The following C3orf22 variants were observed in gnomAD, a reference collection of about 807,000 sequenced individuals.
The protein encoded by C3orf22 is uncharacterized protein C3orf22.
C3orf22 carries 7 observed loss-of-function variants against 10.8 expected under a neutral mutation model. The observed-to-expected ratio is 0.65, with a 90% CI of 0.37 to 1.22. The LOEUF is 1.22. C3orf22 is among the 50% of genes most tolerant of loss of function. The pLI is 0.02. For missense variants in C3orf22, 173 were observed against 177.0 expected, an observed-to-expected ratio of 0.98 and a Z score of 0.13; for synonymous variants, 79 against 78.9, an observed-to-expected ratio of 1.00 and a Z score of 0.00.
intron 4 of C3orf22, among the ~76,000 whole-genome samples, chr3:126,537,175 C>A (rs1164359587): frequency 6.6e-6 from 1 of 152,138 alleles, no homozygotes; most frequent in East Asian, 1.9e-4. Flanking sequence ...TGGGGGAGAG[C>A]AACTCCTCTC....
intron 2 of C3orf22, 37 bp downstream of exon 2, chr3:126,553,265 G>T: frequency 6.9e-7 from 1 of 1,450,140 alleles, no homozygotes; most frequent in Non-Finnish European, 9.7e-7. Flanking sequence ...ACCTGGGGGA[G>T]GCAGGGCTTG....
At chr3:126,555,035 T>C (rs1343183759) in intron 1 of C3orf22, among the ~76,000 whole-genome samples, 3 of 152,206 alleles carry the variant, frequency 2.0e-5, no homozygotes, top group African/African-American at 4.8e-5. Flanking sequence ...TTGTATTTAA[T>C]TCTAATAACT....
At chr3:126,529,674 T>C (rs908616416) in intron 4 of C3orf22, among the ~76,000 whole-genome samples, 8 of 152,122 alleles carry the variant, frequency 5.3e-5, no homozygotes, top group African/African-American at 1.7e-4. Context: ...CTCTTCCTTC[T>C]CTTTCTCCCA....
chr3:126,535,555 G>A (rs1315113615), intron 4 of C3orf22, among the ~76,000 whole-genome samples: 1 of 151,770 alleles, frequency 6.6e-6, no homozygotes, highest in African/African-American at 2.4e-5. Flanking sequence ...GTCCTCAGCC[G>A]GGAGACAGAC....
chr3:126,539,597 CCCACACACT>C (rs1936883318), intron 4 of C3orf22, among the ~76,000 whole-genome samples: 1 of 135,688 alleles, frequency 7.4e-6, no homozygotes, highest in Non-Finnish European at 1.6e-5. Context: ...CCACACACAC[CCCACACACT>C]CCACACCACA....
chr3:126,542,934 C>T (rs1181097186), intron 4 of C3orf22: 1 of 177,768 alleles, frequency 5.6e-6, no homozygotes, highest in Non-Finnish European at 1.2e-5. Flanking sequence ...GTTCATGGTG[C>T]ATCAGAACAT....
At chr3:126,534,266 T>C (rs909006359) in intron 4 of C3orf22, among the ~76,000 whole-genome samples, 7 of 152,214 alleles carry the variant, frequency 4.6e-5, no homozygotes, top group Non-Finnish European at 1.5e-5. Flanking sequence ...TGAGAACATA[T>C]TAATATTAAT....
rs1318980314 is a variant in C3orf22 at position 126,549,909 on chromosome 3, G to C, written c.385C>G (p.Gln129Glu). ...GACAGCCCTGCCGCCTTGCTGGTCT[G>C]GGGGCAGGCAGCCTCAGTGTGCCGG... is the stretch of plus-strand genomic sequence containing the variant. Reference protein sequence around the residue: ...STRHTEAACPQTSKAAGLSRG... With the variant: ...STRHTEAACPETSKAAGLSRG... The change falls in exon 4 of 4, where the codon CAG becomes GAG. Residue 129 changes from glutamine to glutamate, a missense_variant. Coordinates refer to ENST00000318225, the MANE Select transcript of C3orf22 (RefSeq NM_152533.3). 2 of 1,614,036 alleles carry C rather than the reference G, an allele frequency of 1.2e-6. No homozygotes were observed. Among genetic ancestry groups the C allele is most frequent in the East Asian group, 2.2e-5 (1 of 44,864 alleles).
downstream of C3orf22, among the ~76,000 whole-genome samples, chr3:126,546,841 T>C (rs1265795812): frequency 1.1e-4 from 17 of 152,186 alleles, no homozygotes; most frequent in Admixed American, 1.1e-3. Flanking sequence ...ATGGGCTAAC[T>C]GGGATTGCCT....
intron 4 of C3orf22, among the ~76,000 whole-genome samples, chr3:126,533,665 C>T (rs1936705495): frequency 2.6e-5 from 4 of 152,112 alleles, no homozygotes; most frequent in Admixed American, 2.6e-4. Context: ...TCATAAGGGA[C>T]ATGGCTCTGT....
intron 4 of C3orf22, among the ~76,000 whole-genome samples, chr3:126,537,047 C>T (rs1936811666): frequency 6.6e-6 from 1 of 152,138 alleles, no homozygotes; most frequent in Non-Finnish European, 1.5e-5. Flanking sequence ...AGTGGAGCCA[C>T]CAGTCCAGCA....
chr3:126,550,771 G>A (rs945033425), intron 3 of C3orf22, among the ~76,000 whole-genome samples: 5 of 152,170 alleles, frequency 3.3e-5, no homozygotes, highest in African/African-American at 7.2e-5. Flanking sequence ...CCTGGGAGCC[G>A]CTTGGTCCCT....
chr3:126,545,621 G>A (rs1937054967), downstream of C3orf22, among the ~76,000 whole-genome samples: 1 of 152,192 alleles, frequency 6.6e-6, no homozygotes, highest in Admixed American at 6.5e-5. Context: ...CTTCAGCAAC[G>A]AGTAAGACAG....
At chr3:126,534,072 T>C (rs1936713232) in intron 4 of C3orf22, among the ~76,000 whole-genome samples, 1 of 152,190 alleles carries the variant, frequency 6.6e-6, no homozygotes. Context: ...ACATCCCCTC[T>C]TTCTTTCCTG....
chr3:126,546,863 T>C (rs1123373), downstream of C3orf22, among the ~76,000 whole-genome samples: 112,516 of 152,050 alleles, frequency 0.74, 43,512 homozygotes, highest in East Asian at 0.87. Flanking sequence ...TCACAAAAAC[T>C]ACTCACACTC....
Position 126,530,061 on chromosome 3 carries a change from C to T in C3orf22, c.287-689G>A, listed in dbSNP as rs530642206. Among the ~76,000 whole-genome samples the T allele has an allele frequency of 1.1e-3, 170 of 152,296 alleles. No homozygotes were observed. In the Middle Eastern group the frequency reaches 0.041, roughly 37 times the overall value. On this transcript the variant is annotated intron_variant and NMD_transcript_variant, in intron 4 of 5. Coordinates refer to the C3orf22 transcript ENST00000505070. ...CCAGTGTGGCCCTGTTTGGGGCCAG[C>T]CCCCAGCTGGCCAAGTCAGGATTGG...
intron 3 of C3orf22, among the ~76,000 whole-genome samples, chr3:126,550,652 C>A (rs897159660): frequency 2.0e-5 from 3 of 152,218 alleles, no homozygotes; most frequent in African/African-American, 7.2e-5. Flanking sequence ...ACACCCACAG[C>A]CCCCTCCCTA....
intron 4 of C3orf22, among the ~76,000 whole-genome samples, chr3:126,533,097 G>C (rs1936692110): frequency 1.3e-5 from 2 of 152,086 alleles, no homozygotes; most frequent in Admixed American, 1.3e-4. Flanking sequence ...GTGCAACCTT[G>C]CTGAACCCAT....
chr3:126,542,436 G>T, intron 4 of C3orf22: 1 of 1,557,594 alleles, frequency 6.4e-7, no homozygotes, highest in East Asian at 2.5e-5. Flanking sequence ...CCGCGGCCCC[G>T]GGGAGCCGCC....
Sources: gnomAD v4.1 joint callset for allele counts (sites outside exome capture counted in the v4.1 genomes callset) on GRCh38, gnomAD v4.1.1 for gene constraint, MANE v1.5 for transcripts, NCBI Gene and HGNC (gene_info 2026-07-23, HGNC 2026-07-21) for gene names.